Variants in TBC1D22B observed in about 807,000 individuals in gnomAD.
TBC1D22B encodes TBC1 domain family member 22B, also known as chromosome 6 open reading frame 197.
A neutral mutation model predicts 69.1 loss-of-function variants in TBC1D22B; 32 were observed. The ratio of observed to expected loss-of-function variants is 0.46; its 90% CI spans 0.35 to 0.62. The LOEUF (loss-of-function observed/expected upper bound fraction) is 0.62, where lower values mean the gene tolerates loss of function less well. Among genes scored for constraint, TBC1D22B ranks in the 20% least tolerant of loss-of-function variants. TBC1D22B has a pLI of 0.00. For synonymous variants in TBC1D22B, 206 were observed against 229.8 expected (o/e 0.90, Z 0.94); for missense variants, 462 against 630.9 (o/e 0.73, Z 2.87).
At chr6:37,284,257 C>T in intron 5 of TBC1D22B, 79 bp from the exon 6 acceptor site, 2 of 1,603,586 alleles carry the variant, frequency 1.2e-6, no homozygotes, top group Admixed American at 3.3e-5. Flanking sequence ...GTTTCCAAAC[C>T]ACTGCATAGA....
intron 7 of TBC1D22B, 142 bp downstream of exon 7, chr6:37,287,214 T>C (rs2622892): frequency 0.89 from 512,012 of 572,882 alleles, 229,029 homozygotes; most frequent in Middle Eastern, 0.96. Flanking sequence ...TTCATACATT[T>C]TCATTTGATC....
At chr6:37,295,731 C>T in intron 8 of TBC1D22B, 1 of 318,542 alleles carries the variant, frequency 3.1e-6, no homozygotes, top group South Asian at 3.3e-5. Flanking sequence ...GGTCTCTTCC[C>T]CAGCCAAAGT....
At chr6:37,281,631 C>T (rs1307076119) in intron 3 of TBC1D22B, among the ~76,000 whole-genome samples, 1 of 152,190 alleles carries the variant, frequency 6.6e-6, no homozygotes. Flanking sequence ...CTTGGAGCAG[C>T]TGGGGGTTCT....
chr6:37,283,494 G>C (rs546539649), intron 5 of TBC1D22B, among the ~76,000 whole-genome samples: 2 of 152,208 alleles, frequency 1.3e-5, no homozygotes, highest in Non-Finnish European at 2.9e-5. Flanking sequence ...CATAGTGCCA[G>C]ATGCTTTGAG....
intron 12 of TBC1D22B, among the ~76,000 whole-genome samples, chr6:37,327,033 A>G (rs1050878553): frequency 2.0e-5 from 3 of 152,178 alleles, no homozygotes; most frequent in African/African-American, 7.2e-5. Context: ...AAAAGAGGCA[A>G]CACCTTTTCC....
At chr6:37,326,711 C>T (rs546004913) in intron 12 of TBC1D22B, among the ~76,000 whole-genome samples, 1 of 152,186 alleles carries the variant, frequency 6.6e-6, no homozygotes, top group South Asian at 2.1e-4. Flanking sequence ...TTGCTTGAAC[C>T]TGGGAGGTGG....
chr6:37,264,994 C>G (rs922912221), intron 1 of TBC1D22B, among the ~76,000 whole-genome samples: 3 of 152,132 alleles, frequency 2.0e-5, no homozygotes, highest in Non-Finnish European at 4.4e-5. Flanking sequence ...TGGTCTATCT[C>G]CATTTAGTCT....
chr6:37,287,664 A>G (rs1309446563), intron 7 of TBC1D22B, among the ~76,000 whole-genome samples: 2 of 152,254 alleles, frequency 1.3e-5, no homozygotes, highest in South Asian at 2.1e-4. Flanking sequence ...TTCACTTAGC[A>G]TAATATCTTT....
Position 37,291,276 on chromosome 6 carries a change from C to T in TBC1D22B, c.901C>T (p.Arg301Cys), listed in dbSNP as rs150222349. The T allele has an allele frequency of 2.5e-6, 4 of 1,613,776 alleles. No homozygotes were observed. Among genetic ancestry groups the T allele is most frequent in the Non-Finnish European group, 3.4e-6 (4 of 1,179,890 alleles). ...AAGAATTCTATTTATTTGGGCCATC[C>T]GCCACCCTGCCAGTGGGTATGTCCA... ...FERILFIWAI[R>C]HPASGYVQGI... Residue 301 changes from arginine (R) to cysteine (C), a missense_variant, in exon 8 of 13, where the codon CGC becomes TGC. By Grantham distance (180) the Arg-to-Cys change is radical (BLOSUM62 -3). Transcript: ENST00000373491.
chr6:37,261,881 AC>A lies in TBC1D22B; in HGVS notation c.56+3909del, dbSNP rs1443546865. Among the ~76,000 whole-genome samples, 28 of 151,800 alleles carry A rather than the reference AC, an allele frequency of 1.8e-4. No homozygotes were observed. The Middle Eastern group carries it at 0.01, about 56-fold the overall frequency. ...GAATCTCCGTCTCTACTAAAAACAC[AC>A]AAAAAAATTATCTGGGCTTGGTGGC... On this transcript the variant is annotated intron_variant, in intron 1 of 12. Coordinates refer to ENST00000373491, the MANE Select transcript of TBC1D22B (RefSeq NM_017772.4).
chr6:37,274,012 A>G (rs1766586598), intron 2 of TBC1D22B, among the ~76,000 whole-genome samples: 1 of 152,192 alleles, frequency 6.6e-6, no homozygotes, highest in East Asian at 1.9e-4. Flanking sequence ...TTGCCAAATG[A>G]TTACTATTAG....
chr6:37,318,901 G>C (rs1562066814), intron 12 of TBC1D22B, among the ~76,000 whole-genome samples: 1 of 152,078 alleles, frequency 6.6e-6, no homozygotes, highest in African/African-American at 2.4e-5. Context: ...GAGGTTTTTT[G>C]GTTTGTTTGT....
intron 10 of TBC1D22B, among the ~76,000 whole-genome samples, chr6:37,314,662 C>T (rs1384957656): frequency 6.6e-6 from 1 of 152,104 alleles, no homozygotes; most frequent in Non-Finnish European, 1.5e-5. Context: ...GTTGTAGTAG[C>T]TCCCATAGGA....
intron 4 of TBC1D22B, 114 bp downstream of exon 4, chr6:37,282,478 C>T: frequency 8.0e-7 from 1 of 1,253,622 alleles, no homozygotes; most frequent in Non-Finnish European, 1.1e-6. Flanking sequence ...CTTCTCCTGA[C>T]CTGGTGCCCA....
At chr6:37,301,701 C>G (rs1382154494) in intron 8 of TBC1D22B, among the ~76,000 whole-genome samples, 1 of 152,174 alleles carries the variant, frequency 6.6e-6, no homozygotes, top group African/African-American at 2.4e-5. Context: ...CTTTCTTGAA[C>G]AGAGATAGAT....
At chr6:37,275,778 G>A (rs999857796) in intron 2 of TBC1D22B, among the ~76,000 whole-genome samples, 4 of 152,120 alleles carry the variant, frequency 2.6e-5, no homozygotes, top group African/African-American at 9.7e-5. Flanking sequence ...ATATTTATAT[G>A]TATTTATTTG....
chr6:37,330,735 G>A (rs1768559360), intron 12 of TBC1D22B, among the ~76,000 whole-genome samples: 1 of 152,152 alleles, frequency 6.6e-6, no homozygotes, highest in African/African-American at 2.4e-5. Context: ...ATTAAGAGAG[G>A]TATATTTGGA....
At chr6:37,318,344 C>T (rs1489507112) in intron 12 of TBC1D22B, among the ~76,000 whole-genome samples, 1 of 152,106 alleles carries the variant, frequency 6.6e-6, no homozygotes, top group African/African-American at 2.4e-5. Context: ...GAGAAGGCTA[C>T]AGGATGGCTT....
intron 5 of TBC1D22B, 143 bp downstream of exon 5, chr6:37,283,095 A>T: frequency 1.5e-6 from 1 of 656,298 alleles, no homozygotes; most frequent in Admixed American, 2.9e-5. Context: ...CTATAGTCCT[A>T]TTTCTGTGCA....
Sources: allele counts gnomAD v4.1 joint callset (sites outside exome capture counted in the v4.1 genomes callset), GRCh38; gene constraint gnomAD v4.1.1; transcripts MANE v1.5; gene names NCBI Gene and HGNC (gene_info 2026-07-23, HGNC 2026-07-21).